The following TBC1D31 variants were observed in gnomAD, a reference collection of about 807,000 sequenced individuals.
TBC1D31 encodes TBC1 domain family member 31, also known as WD repeat domain 67.
Under a neutral mutation model 132.9 loss-of-function variants are expected in TBC1D31, and 99 were observed. The ratio of observed to expected loss-of-function variants is 0.74; its 90% CI spans 0.63 to 0.88. The LOEUF (loss-of-function observed/expected upper bound fraction) is 0.88. Ranked by LOEUF, TBC1D31 falls within the 40% of genes least tolerant of loss-of-function variation. The pLI is 0.00. For synonymous variants in TBC1D31, 385 were observed against 419.4 expected, an observed-to-expected ratio of 0.92 and a Z score of 1.00; for missense variants, 1,134 against 1,256.6, an observed-to-expected ratio of 0.90 and a Z score of 1.48.
intron 17 of TBC1D31, among the ~76,000 whole-genome samples, chr8:123,139,119 T>G (rs1378279800): frequency 3.7e-5 from 2 of 54,410 alleles, no homozygotes; most frequent in Non-Finnish European, 7.4e-5. Context: ...ATATTTCTTG[T>G]TTTTTTTTTT....
chr8:123,104,287 A>C (rs1817715051), intron 7 of TBC1D31: 1 of 152,116 alleles, frequency 6.6e-6, no homozygotes, highest in Admixed American at 6.5e-5. Flanking sequence ...TTAAGATTTT[A>C]CTTGTTAAAA....
downstream of TBC1D31, among the ~76,000 whole-genome samples, chr8:123,155,007 T>C (rs1822951222): frequency 6.6e-6 from 1 of 152,180 alleles, no homozygotes; most frequent in African/African-American, 2.4e-5. The surrounding 1 kb of genome is among the most constrained non-coding windows in gnomAD (Gnocchi z 4.1). Flanking sequence ...AGACCTGAGA[T>C]GATTGATAAC....
At chr8:123,074,427 C>T (rs1814270803) in intron 1 of TBC1D31, among the ~76,000 whole-genome samples, 1 of 152,144 alleles carries the variant, frequency 6.6e-6, no homozygotes. Context: ...TTATCAATGC[C>T]GCTGCCTCAA....
intron 16 of TBC1D31, among the ~76,000 whole-genome samples, chr8:123,133,372 C>T (rs1820802922): frequency 6.6e-6 from 1 of 152,194 alleles, no homozygotes; most frequent in African/African-American, 2.4e-5. Context: ...CCAATAACCT[C>T]TTTAAATTGA....
At chr8:123,126,766 G>A (rs1820083449) in intron 13 of TBC1D31, 79 bp downstream of exon 13, 6 of 1,330,084 alleles carry the variant, frequency 4.5e-6, no homozygotes, top group Non-Finnish European at 5.1e-6. Flanking sequence ...TTTTGAGACA[G>A]AGTCTCGCTA....
At chr8:123,072,939 C>G (rs984442842) in intron 1 of TBC1D31, 93 bp downstream of exon 1, 2 of 1,295,450 alleles carry the variant, frequency 1.5e-6, no homozygotes, top group Non-Finnish European at 2.2e-6. Flanking sequence ...CGGGTTCTGG[C>G]TCTGACCTTG....
intron 16 of TBC1D31, among the ~76,000 whole-genome samples, chr8:123,131,363 CAAAAAAA>C: frequency 1.5e-5 from 1 of 64,914 alleles, no homozygotes; most frequent in East Asian, 5.7e-4. Flanking sequence ...GACTCAGTCT[CAAAAAAA>C]AAAAAAAAAA....
At chr8:123,140,673 G>T in intron 17 of TBC1D31, 88 bp from the exon 18 acceptor site, 112 of 933,724 alleles carry the variant, frequency 1.2e-4, no homozygotes, top group East Asian at 1.8e-4. Flanking sequence ...GCTTTTATTT[G>T]TGTGCATATT....
At chr8:123,158,384 A>G in the TBC1D31 span, among the ~76,000 whole-genome samples, 1 of 152,282 alleles carries the variant, frequency 6.6e-6, no homozygotes, top group South Asian at 2.1e-4. Context: ...GTACATTTAT[A>G]AAAGGAAATT....
intron 11 of TBC1D31, 101 bp from the exon 12 acceptor site, chr8:123,125,955 C>T: frequency 1.3e-6 from 1 of 793,880 alleles, no homozygotes; most frequent in Non-Finnish European, 1.8e-6. Flanking sequence ...TATTCATGGA[C>T]ATATTGAGAA....
chr8:123,086,383 C>G (rs2385162), intron 4 of TBC1D31, among the ~76,000 whole-genome samples: 11,195 of 152,174 alleles, frequency 0.074, 563 homozygotes, highest in Middle Eastern at 0.12. Context: ...TTATTGCTCC[C>G]CAAACACAAA....
At chr8:123,089,801 CA>C (rs1339819118) in intron 4 of TBC1D31, among the ~76,000 whole-genome samples, 2 of 152,208 alleles carry the variant, frequency 1.3e-5, no homozygotes, top group African/African-American at 4.8e-5. Flanking sequence ...AACTCAGTGG[CA>C]AAATGCGATC....
intron 18 of TBC1D31, 105 bp downstream of exon 18, chr8:123,141,006 T>C (rs1821606263): frequency 9.1e-7 from 1 of 1,093,814 alleles, no homozygotes; most frequent in Admixed American, 2.4e-5. Context: ...TGAGTTAGTT[T>C]GTTTCTTTGC....
At position 123,093,405 on chromosome 8, in the gene TBC1D31, T is replaced by C. The variant is rs574283989; in HGVS notation, c.520-186T>C. Among the ~76,000 whole-genome samples the C allele has an allele frequency of 5.9e-5, 9 of 152,186 alleles. No homozygotes were observed. In the East Asian group the frequency reaches 1.5e-3, roughly 26 times the overall value. On this transcript the variant is annotated intron_variant, in intron 4 of 21. Transcript: ENST00000287380. ...GTACCTAGTTTTCGTTTGAAGGGTT[T>C]TTTTTTTAGTTAATAATAATTTATG...
intron 10 of TBC1D31, among the ~76,000 whole-genome samples, chr8:123,110,109 A>G (rs769125002): frequency 1.3e-5 from 2 of 152,172 alleles, no homozygotes; most frequent in Admixed American, 6.5e-5. Context: ...AAAAGAACAG[A>G]GGCATAGTGG....
intron 13 of TBC1D31, 36 bp from the exon 14 acceptor site, chr8:123,128,245 G>C (rs1419609369): frequency 9.2e-7 from 1 of 1,086,234 alleles, no homozygotes; most frequent in African/African-American, 1.6e-5. Context: ...TGCTTTGTCA[G>C]GTAAATCTCG....
At chr8:123,078,100 G>A (rs556708823) in intron 2 of TBC1D31, among the ~76,000 whole-genome samples, 2 of 152,050 alleles carry the variant, frequency 1.3e-5, no homozygotes, top group Non-Finnish European at 2.9e-5. Flanking sequence ...CTCTTCCCTT[G>A]TGAAACAATT....
intron 11 of TBC1D31, among the ~76,000 whole-genome samples, chr8:123,124,938 CAAA>C (rs1310001681): frequency 2.5e-5 from 2 of 81,058 alleles, no homozygotes; most frequent in Non-Finnish European, 2.6e-5. Flanking sequence ...CTCCGTCTCA[CAAA>C]AAAAAAAAAA....
intron 20 of TBC1D31, among the ~76,000 whole-genome samples, chr8:123,149,636 C>T (rs1380115739): frequency 6.6e-6 from 1 of 152,160 alleles, no homozygotes; most frequent in Non-Finnish European, 1.5e-5. Flanking sequence ...AAGAAGGGTT[C>T]GGGTAAAACT....
Sources: gnomAD v4.1 joint callset for allele counts (sites outside exome capture counted in the v4.1 genomes callset) on GRCh38, gnomAD v4.1.1 for gene constraint, Gnocchi (gnomAD v3.1) non-coding constraint, MANE v1.5 for transcripts, NCBI Gene and HGNC (gene_info 2026-07-23, HGNC 2026-07-21) for gene names.